NRXN1: variants seen among roughly 807,000 people sequenced by gnomAD.
NRXN1 encodes the protein neurexin 1, also known as neurexin-1.
NRXN1 carries 39 observed loss-of-function variants against 150.9 expected under a neutral mutation model. That is an observed-to-expected ratio of 0.26 (90% CI 0.20 to 0.34). The LOEUF (loss-of-function observed/expected upper bound fraction) is 0.34, where lower values mean the gene tolerates loss of function less well. Ranked by LOEUF, NRXN1 falls within the 10% of genes least tolerant of loss-of-function variation. The probability of loss-of-function intolerance (pLI) is 1.00; values close to 1 mark genes in which losing one functional copy is unlikely to be tolerated. For synonymous variants in NRXN1, 924 were observed against 757.0 expected (o/e 1.22, Z -3.62); for missense variants, 1,815 against 1,949.9 (o/e 0.93, Z 1.30).
chr2:50,371,106 C>A (rs1019924389), intron 17 of NRXN1, among the ~76,000 whole-genome samples: 2 of 151,954 alleles, frequency 1.3e-5, no homozygotes, highest in African/African-American at 4.8e-5. Flanking sequence ...TAGCAATGAT[C>A]TTTGTCGATT....
At chr2:50,752,085 A>T (rs1700656878) in intron 5 of NRXN1, among the ~76,000 whole-genome samples, 1 of 151,958 alleles carries the variant, frequency 6.6e-6, no homozygotes, top group South Asian at 2.1e-4. Flanking sequence ...ACAAATGTTG[A>T]CTCAGGCTCA....
intron 2 of NRXN1, among the ~76,000 whole-genome samples, chr2:51,000,414 T>C (rs1019791993): frequency 3.3e-5 from 5 of 152,098 alleles, no homozygotes; most frequent in African/African-American, 1.2e-4. Flanking sequence ...GGGCTTCCAC[T>C]ATACAAGGCT....
At chr2:50,146,100 T>C (rs1707971222) in intron 18 of NRXN1, among the ~76,000 whole-genome samples, 1 of 151,638 alleles carries the variant, frequency 6.6e-6, no homozygotes, top group African/African-American at 2.4e-5. Context: ...AACCTAGCTC[T>C]TTAAGTGTGT....
At chr2:50,435,870 G>C (rs753016346) in intron 17 of NRXN1, among the ~76,000 whole-genome samples, 45 of 152,014 alleles carry the variant, frequency 3.0e-4, no homozygotes, top group Non-Finnish European at 6.0e-4. Context: ...TATTACCTAG[G>C]TGGTAAAATA....
intron 17 of NRXN1, among the ~76,000 whole-genome samples, chr2:50,402,922 C>T (rs960095257): frequency 2.6e-5 from 4 of 152,056 alleles, no homozygotes; most frequent in African/African-American, 7.2e-5. Context: ...GAGGAGGAGG[C>T]GGAAATTACA....
Position 51,027,784 on chromosome 2 carries a change from C to A in NRXN1, c.490G>T (p.Ala164Ser). The change falls in exon 2 of 23, where the codon GCC becomes TCC. Residue 164 changes from alanine (A) to serine (S), a missense_variant. Around this residue, in one of 6 missense-constraint regions of NRXN1, gnomAD observed 554 missense variants for 478.8 expected, o/e 1.16. Coordinates refer to ENST00000401669, the MANE Select transcript of NRXN1 (RefSeq NM_001330078.2). Reference protein sequence around the residue: ...FVGGLPPELRAAALKLTLASV... With the variant: ...FVGGLPPELRSAALKLTLASV... ...GCCAGGGTGAGCTTGAGCGCCGCGGCGCGCAGTTCCGGGGGCAGCCCCCCG... is the reference window on the plus strand; with the variant it reads ...GCCAGGGTGAGCTTGAGCGCCGCGGAGCGCAGTTCCGGGGGCAGCCCCCCG... The A allele has an allele frequency of 6.2e-7, 1 of 1,612,704 alleles. No individual in the cohort carries two copies. The highest frequency in any genetic ancestry group is 8.5e-7 in the Non-Finnish European group (1 of 1,179,460).
chr2:50,374,255 T>C (rs1294754771), intron 17 of NRXN1, among the ~76,000 whole-genome samples: 3 of 151,248 alleles, frequency 2.0e-5, no homozygotes, highest in Middle Eastern at 6.4e-3. Flanking sequence ...CATGCTATTG[T>C]GCTCCAGCAT....
At chr2:50,584,156 A>T (rs1672721952) in intron 8 of NRXN1, among the ~76,000 whole-genome samples, 1 of 152,202 alleles carries the variant, frequency 6.6e-6, no homozygotes, top group Non-Finnish European at 1.5e-5. Context: ...TATGTCTTTG[A>T]ATTAGGAGAG....
chr2:50,224,752 G>T (rs563450909), intron 18 of NRXN1, among the ~76,000 whole-genome samples: 25 of 150,998 alleles, frequency 1.7e-4, no homozygotes, highest in African/African-American at 5.8e-4. Context: ...AATTGCCAGG[G>T]TAGTGGAGAT....
intron 21 of NRXN1, among the ~76,000 whole-genome samples, chr2:49,959,513 A>G (rs978573614): frequency 6.6e-5 from 10 of 152,196 alleles, no homozygotes; most frequent in Non-Finnish European, 1.5e-4. Flanking sequence ...GCCCTGGTAC[A>G]GGTTATGGGA....
intron 16 of NRXN1, among the ~76,000 whole-genome samples, chr2:50,466,991 C>A (rs1008169870): frequency 2.0e-5 from 3 of 151,666 alleles, no homozygotes; most frequent in African/African-American, 7.3e-5. Context: ...AACAGCTGGA[C>A]TTTAGAGTGA....
intron 2 of NRXN1, among the ~76,000 whole-genome samples, chr2:51,020,611 C>T (rs567010544): frequency 1.3e-5 from 2 of 151,986 alleles, no homozygotes; most frequent in Non-Finnish European, 2.9e-5. Context: ...GAGTGTGTAT[C>T]TATTATCTAC....
intron 17 of NRXN1, among the ~76,000 whole-genome samples, chr2:50,457,256 G>A (rs1196042905): frequency 6.6e-6 from 1 of 152,082 alleles, no homozygotes; most frequent in African/African-American, 2.4e-5. Flanking sequence ...TTACATCTAA[G>A]AATTAAGAGT....
intron 17 of NRXN1, among the ~76,000 whole-genome samples, chr2:50,336,521 C>T (rs540728357): frequency 9.8e-5 from 15 of 152,296 alleles, no homozygotes; most frequent in East Asian, 1.9e-4. Flanking sequence ...CAGAATTATA[C>T]GATTTTATTT....
At chr2:50,148,039 A>C (rs2058457454) in intron 18 of NRXN1, among the ~76,000 whole-genome samples, 1 of 151,688 alleles carries the variant, frequency 6.6e-6, no homozygotes, top group Non-Finnish European at 1.5e-5. Flanking sequence ...GATTGGGAGA[A>C]TGGTGCTTGC....
intron 5 of NRXN1, among the ~76,000 whole-genome samples, chr2:50,723,649 G>A (rs1409571822): frequency 6.6e-6 from 1 of 152,216 alleles, no homozygotes; most frequent in Non-Finnish European, 1.5e-5. Context: ...AGAGGTGAGT[G>A]TCTTCCAGCA....
intron 12 of NRXN1, among the ~76,000 whole-genome samples, chr2:50,511,348 C>A (rs560484541): frequency 7.9e-5 from 12 of 152,324 alleles, no homozygotes; most frequent in African/African-American, 2.9e-4. Context: ...GACCACAGTG[C>A]GCCCAGCCCT....
intron 17 of NRXN1, among the ~76,000 whole-genome samples, chr2:50,270,297 A>G (rs1043837522): frequency 1.3e-5 from 2 of 152,180 alleles, no homozygotes; most frequent in Non-Finnish European, 2.9e-5. Flanking sequence ...GTAAATTGTG[A>G]ATTGCAGACT....
chr2:50,480,549 G>A (rs140006116), intron 15 of NRXN1, among the ~76,000 whole-genome samples: 18 of 152,272 alleles, frequency 1.2e-4, no homozygotes, highest in Non-Finnish European at 1.9e-4. Context: ...AGAACACAGA[G>A]AAGCTAACTG....
Sources: allele counts gnomAD v4.1 joint callset (sites outside exome capture counted in the v4.1 genomes callset), GRCh38; gene constraint gnomAD v4.1.1; regional missense constraint gnomAD v4.1.1; transcripts MANE v1.5; gene names NCBI Gene and HGNC (gene_info 2026-07-23, HGNC 2026-07-21).